IL1RAPL1: variants seen among roughly 807,000 people sequenced by gnomAD.
IL1RAPL1 encodes interleukin-1 receptor accessory protein-like 1.
Under a neutral mutation model 48.4 loss-of-function variants are expected in IL1RAPL1, and 3 were observed. The observed-to-expected ratio is 0.06, with a 90% CI of 0.03 to 0.16. The LOEUF (loss-of-function observed/expected upper bound fraction) is 0.16. Ranked by LOEUF, IL1RAPL1 falls within the 10% of genes least tolerant of loss-of-function variation. The probability of loss-of-function intolerance (pLI) is 1.00; values close to 1 mark genes in which losing one functional copy is unlikely to be tolerated. For missense variants in IL1RAPL1, 349 were observed against 530.6 expected (o/e 0.66, Z 3.36); for synonymous variants, 185 against 187.7 (o/e 0.99, Z 0.12).
chrX:28,781,457 A>G (rs769164486), intron 1 of IL1RAPL1, among the ~76,000 whole-genome samples: 1 of 109,625 alleles, frequency 9.1e-6, no homozygotes, highest in East Asian at 2.8e-4. Context: ...TCTTTCCTCT[A>G]ACCTTTTCTA....
chrX:29,866,902 C>T (rs745672632), intron 6 of IL1RAPL1, among the ~76,000 whole-genome samples: 36 of 109,974 alleles, frequency 3.3e-4, no homozygotes, highest in Non-Finnish European at 5.9e-4. Flanking sequence ...ATGATATCAC[C>T]CATCACCATC....
At chrX:29,466,610 AT>A (rs1313051389) in intron 5 of IL1RAPL1, among the ~76,000 whole-genome samples, 3 of 112,163 alleles carry the variant, frequency 2.7e-5, no homozygotes, top group Non-Finnish European at 5.6e-5. Flanking sequence ...AAAAAAACAG[AT>A]TAGTGCTGAA....
chrX:29,283,698 A>AAGGTTGTGT (rs1331805706), intron 3 of IL1RAPL1, among the ~76,000 whole-genome samples: 10 of 112,075 alleles, frequency 8.9e-5, no homozygotes, highest in African/African-American at 3.2e-4. Context: ...AGAGAATATG[A>AAGGTTGTGT]AGGTTGTGTT....
chrX:28,714,252 CTT>C (rs1457638718), intron 1 of IL1RAPL1, among the ~76,000 whole-genome samples: 6 of 111,679 alleles, frequency 5.4e-5, no homozygotes, highest in Non-Finnish European at 1.1e-4. Flanking sequence ...CATCATCTCT[CTT>C]TCCTTAGAGC....
chrX:29,558,477 T>G (rs183902667), intron 5 of IL1RAPL1, among the ~76,000 whole-genome samples: 276 of 112,065 alleles, frequency 2.5e-3, no homozygotes, highest in Non-Finnish European at 4.5e-3. Flanking sequence ...AAATTTTTCC[T>G]GTTTCATAGG....
At chrX:29,516,577 G>A (rs1435151494) in intron 5 of IL1RAPL1, among the ~76,000 whole-genome samples, 1 of 101,364 alleles carries the variant, frequency 9.9e-6, no homozygotes, top group Non-Finnish European at 2.1e-5. Flanking sequence ...TTATTTCACA[G>A]ATTATACTAT....
At chrX:28,931,863 C>T (rs1923890115) in intron 2 of IL1RAPL1, among the ~76,000 whole-genome samples, 2 of 108,018 alleles carry the variant, frequency 1.9e-5, no homozygotes, top group South Asian at 8.1e-4. Flanking sequence ...TGGTGAAACC[C>T]CGTCTCTACT....
intron 5 of IL1RAPL1, among the ~76,000 whole-genome samples, chrX:29,463,432 C>A (rs1473932499): frequency 8.9e-6 from 1 of 112,006 alleles, no homozygotes; most frequent in East Asian, 2.8e-4. Flanking sequence ...AGAAACAAAC[C>A]CAATTAGGCA....
chrX:28,838,532 G>A (rs1375658984), intron 2 of IL1RAPL1, among the ~76,000 whole-genome samples: 2 of 110,874 alleles, frequency 1.8e-5, no homozygotes, highest in Admixed American at 9.6e-5. Flanking sequence ...ATATGGGTCA[G>A]TACACCATAT....
intron 1 of IL1RAPL1, among the ~76,000 whole-genome samples, chrX:28,614,795 G>C (rs1294113194): frequency 1.8e-5 from 2 of 112,162 alleles, no homozygotes; most frequent in Non-Finnish European, 3.8e-5. Flanking sequence ...TATTGAACTA[G>C]TGAGGATAAG....
chrX:29,692,139 C>T (rs181117783), intron 6 of IL1RAPL1, among the ~76,000 whole-genome samples: 65 of 112,154 alleles, frequency 5.8e-4, no homozygotes, highest in African/African-American at 2.1e-3. Flanking sequence ...AGCCTTACCC[C>T]ACTACCCAGA....
chrX:29,650,527 A>G (rs911047210), intron 5 of IL1RAPL1, among the ~76,000 whole-genome samples: 6 of 111,348 alleles, frequency 5.4e-5, no homozygotes, highest in Non-Finnish European at 7.6e-5. Flanking sequence ...CAATGGGGAA[A>G]AAGCAGTCTC....
At chrX:28,965,849 G>A (rs1223821640) in intron 2 of IL1RAPL1, among the ~76,000 whole-genome samples, 3 of 111,834 alleles carry the variant, frequency 2.7e-5, no homozygotes, top group Admixed American at 9.5e-5. Flanking sequence ...TTCTCGTGAC[G>A]AATGATGTAA....
In IL1RAPL1 at chrX:29,906,462, T is replaced by C. The variant is rs1316826783; in HGVS notation, c.779-11002T>C. Among the ~76,000 whole-genome samples the C allele has an allele frequency of 6.4e-3, 4 of 626 alleles. No homozygotes were observed. In the African/African-American group the frequency reaches 0.091, roughly 14 times the overall value. The allele number at this position is 626 out of a possible 115,157, so 0.5% of individuals were successfully genotyped here. A position where few individuals can be genotyped will look rare whatever the true frequency, so the allele number is the denominator to read the frequency against. ...ATTTCTTTCTACATAACTTTGTAAA[T>C]ATATATATATATATATATATATATA... On this transcript the variant is annotated intron_variant, in intron 6 of 10. Transcript: ENST00000378993.
chrX:29,493,096 A>G (rs766681774), intron 5 of IL1RAPL1, among the ~76,000 whole-genome samples: 105 of 112,050 alleles, frequency 9.4e-4, no homozygotes, highest in Middle Eastern at 4.6e-3. Flanking sequence ...AGAAATCACT[A>G]AATCTGTTTA....
At chrX:29,368,668 A>G (rs1344978430) in intron 3 of IL1RAPL1, among the ~76,000 whole-genome samples, 1 of 95,214 alleles carries the variant, frequency 1.1e-5, no homozygotes, top group Non-Finnish European at 2.0e-5. Context: ...GGCTCAAGTT[A>G]TCCTCCCACA....
At chrX:29,247,641 G>A (rs995699004) in intron 2 of IL1RAPL1, among the ~76,000 whole-genome samples, 1 of 110,671 alleles carries the variant, frequency 9.0e-6, no homozygotes, top group African/African-American at 3.3e-5. Flanking sequence ...AATTAGCTGG[G>A]TGTGGTGGCG....
At chrX:29,270,489 A>G (rs930763909) in intron 2 of IL1RAPL1, among the ~76,000 whole-genome samples, 1 of 112,211 alleles carries the variant, frequency 8.9e-6, no homozygotes, top group African/African-American at 3.2e-5. Flanking sequence ...AGATTTTGTC[A>G]TATGGGTACC....
chrX:29,321,512 C>T (rs1282527179), intron 3 of IL1RAPL1, among the ~76,000 whole-genome samples: 8 of 112,169 alleles, frequency 7.1e-5, no homozygotes, highest in African/African-American at 1.6e-4. Flanking sequence ...TTATTCATTA[C>T]AATTACTGTT....
Sources: gnomAD v4.1 joint callset for allele counts (sites outside exome capture counted in the v4.1 genomes callset) on GRCh38, gnomAD v4.1.1 for gene constraint, MANE v1.5 for transcripts, NCBI Gene and HGNC (gene_info 2026-07-23, HGNC 2026-07-21) for gene names.